VPS13C: variants seen among roughly 807,000 people sequenced by gnomAD.
The protein encoded by VPS13C is intermembrane lipid transfer protein VPS13C.
Under a neutral mutation model 456.8 loss-of-function variants are expected in VPS13C, and 358 were observed. The observed-to-expected ratio is 0.78, with a 90% confidence interval of 0.72 to 0.86. The LOEUF (loss-of-function observed/expected upper bound fraction) is 0.86. Ranked by LOEUF, VPS13C falls within the 40% of genes least tolerant of loss-of-function variation. VPS13C has a pLI of 0.00. For synonymous variants in VPS13C, 1,578 were observed against 1,486.7 expected (o/e 1.06, Z -1.41); for missense variants, 4,818 against 4,385.4 (o/e 1.10, Z -2.79).
chr15:62,009,441 C>CCA (rs2046970486), intron 13 of VPS13C, among the ~76,000 whole-genome samples: 1 of 151,926 alleles, frequency 6.6e-6, no homozygotes, highest in Non-Finnish European at 1.5e-5. Flanking sequence ...AGGTTACCTA[C>CCA]CATGCGGCTG....
rs115245671 is a variant in VPS13C, at chr15:62,010,532, C to T, written c.951G>A (p.Thr317=). Residue 317 remains threonine, a synonymous_variant, in exon 13 of 85, where the codon ACG becomes ACA. Coordinates refer to ENST00000644861, the MANE Select transcript of VPS13C (RefSeq NM_020821.3). ...MNPYAESELK[T]PKLDCNIEIQ... ...TTTCTATGTTGCAATCCAGTTTGGG[C>T]GTTTTGAGCTCTGATTCTGCATAAG... is the stretch of plus-strand genomic sequence containing the variant. The T allele has an allele frequency of 2.9e-4, 466 of 1,613,218 alleles. 6 individuals carry two copies. In the East Asian group the frequency reaches 7.7e-3, roughly 27 times the overall value.
rs752318698 is a variant in VPS13C at position 62,008,709 on chromosome 15, G to A, written c.1064C>T (p.Ala355Val). 1.1e-5 allele frequency: 18 copies of A among 1,607,880 alleles called. No homozygotes were observed. The highest frequency in any genetic ancestry group is 8.0e-5 in the African/African-American group (6 of 74,692). The change falls in exon 14 of 85, where the codon GCG becomes GTG. Residue 355 changes from alanine (A) to valine (V), a missense_variant. Ala to Val is a moderately conservative substitution (Grantham distance 64). This residue lies in a region of VPS13C where 4,552 missense variants were observed against 4,130.6 expected (regional missense o/e 1.10). Coordinates refer to ENST00000644861, the MANE Select transcript of VPS13C (RefSeq NM_020821.3). Reference sequence around the variant, plus strand: ...ATAAGGCTTGTATTTCCTATAAGGCGCATTCCTAACCATATAATCCACTGA... The same window carrying A: ...ATAAGGCTTGTATTTCCTATAAGGCACATTCCTAACCATATAATCCACTGA... ...LESVDYMVRN[A>V]PYRKYKPYLP...
chr15:61,950,444 T>C, intron 40 of VPS13C, 27 bp from the exon 41 acceptor site: 3 of 1,574,000 alleles, frequency 1.9e-6, no homozygotes, highest in Non-Finnish European at 1.7e-6. Flanking sequence ...ATTACACCAC[T>C]GAGTTTCAAA....
intron 58 of VPS13C, among the ~76,000 whole-genome samples, chr15:61,918,962 AACT>A (rs2043560269): frequency 6.6e-6 from 1 of 152,096 alleles, no homozygotes; most frequent in African/African-American, 2.4e-5. Flanking sequence ...AATGTTTCCT[AACT>A]ACAATTACAA....
chr15:62,019,158 GTCTA>G (rs1166155693), intron 9 of VPS13C, among the ~76,000 whole-genome samples: 3 of 151,778 alleles, frequency 2.0e-5, no homozygotes, highest in Non-Finnish European at 4.4e-5. Context: ...TTTTTATTGC[GTCTA>G]TCTGATTCTT....
rs920525369 is a variant in VPS13C, at chr15:62,038,142, A to C, written c.188-3090T>G. On this transcript the variant is annotated intron_variant, in intron 3 of 84. Transcript: ENST00000644861. ...TTGGCTTGTAATTTACTTATTTTTT[A>C]AAGTAAATCCTAAACATAAAACCTG... 3.9e-5 allele frequency among the ~76,000 whole-genome samples: 6 copies of C among 152,336 alleles called. No homozygotes were observed. In the South Asian group the frequency reaches 1.0e-3, roughly 26 times the overall value.
chr15:61,949,931 AC>A (rs1322076624), intron 41 of VPS13C, among the ~76,000 whole-genome samples: 3 of 152,224 alleles, frequency 2.0e-5, no homozygotes, highest in African/African-American at 7.2e-5. Flanking sequence ...AATGGACTGT[AC>A]CAGGTCCAGT....
intron 3 of VPS13C, among the ~76,000 whole-genome samples, chr15:62,035,714 C>T (rs1271217998): frequency 6.6e-6 from 1 of 151,950 alleles, no homozygotes; most frequent in East Asian, 1.9e-4. Context: ...GCAACTCAGA[C>T]CAGTTATATT....
chr15:61,890,138 G>C, intron 67 of VPS13C, 27 bp downstream of exon 67: 1 of 1,607,296 alleles, frequency 6.2e-7, no homozygotes, highest in Non-Finnish European at 8.5e-7. Flanking sequence ...TAAAGGTTTA[G>C]GATGTCTTAT....
chr15:61,863,612 A>G, intron 81 of VPS13C, 84 bp from the exon 82 acceptor site: 8 of 824,578 alleles, frequency 9.7e-6, no homozygotes, highest in South Asian at 1.9e-5. Flanking sequence ...AATTATAATA[A>G]TAGTGTTAGG....
Position 61,946,359 on chromosome 15 carries a change from C to G in VPS13C, c.4928G>C (p.Arg1643Thr), listed in dbSNP as rs2044605210. The G allele has an allele frequency of 1.2e-6, 2 of 1,609,332 alleles. No individual in the cohort carries two copies. Among genetic ancestry groups the G allele is most frequent in the South Asian group, 2.2e-5 (2 of 90,282 alleles). The change falls in exon 44 of 85, where the codon AGA (arginine) becomes ACA (threonine). Residue 1643 changes from arginine (R) to threonine (T), a missense_variant. This residue lies in a region of VPS13C where 4,552 missense variants were observed against 4,130.6 expected (regional missense o/e 1.10). Coordinates refer to ENST00000644861, the MANE Select transcript of VPS13C (RefSeq NM_020821.3). Reference sequence around the variant, plus strand: ...ATTCATAACTATAATATCTTTAAGTCTGGCAAACACATCAGTCTGCTTAGG... The same window carrying G: ...ATTCATAACTATAATATCTTTAAGTGTGGCAAACACATCAGTCTGCTTAGG... ...VKPKQTDVFA[R>T]LKDIIVMNVD...
intron 65 of VPS13C, among the ~76,000 whole-genome samples, chr15:61,908,775 T>A (rs2414753): frequency 1.3e-5 from 2 of 152,046 alleles, no homozygotes; most frequent in Non-Finnish European, 2.9e-5. Flanking sequence ...TTTCTATTTA[T>A]CCCATTTGAT....
intron 77 of VPS13C, 138 bp downstream of exon 77, chr15:61,874,738 G>A: frequency 8.7e-6 from 6 of 693,014 alleles, no homozygotes; most frequent in Middle Eastern, 4.6e-4. Flanking sequence ...TAAAAACATG[G>A]GAAACATGTC....
At chr15:62,025,207 G>T (rs2047596100) in intron 6 of VPS13C, among the ~76,000 whole-genome samples, 1 of 152,014 alleles carries the variant, frequency 6.6e-6, no homozygotes, top group African/African-American at 2.4e-5. Flanking sequence ...ATGTGAAATG[G>T]AGCTTGAAAT....
chr15:62,008,453 T>A (rs577029472), intron 14 of VPS13C, among the ~76,000 whole-genome samples: 13 of 152,182 alleles, frequency 8.5e-5, no homozygotes, highest in South Asian at 4.1e-4. Context: ...GATGTTCATA[T>A]GAAAAAAGTA....
chr15:61,959,462 G>C lies in VPS13C; in HGVS notation c.4042C>G (p.Leu1348Val). The change falls in exon 36 of 85, where the codon CTT becomes GTT. Residue 1348 changes from leucine (L) to valine (V), a missense_variant. This residue lies in a region of VPS13C where 4,552 missense variants were observed against 4,130.6 expected (regional missense o/e 1.10). Coordinates refer to ENST00000644861, the MANE Select transcript of VPS13C (RefSeq NM_020821.3). ...CATATACTTACATTCATTGAATCAA[G>C]ATGTCCTTTAATTTCCACAACAGGC... is the stretch of plus-strand genomic sequence containing the variant. ...KVPVVEIKGH[L>V]DSMNVSLNQE... 6.2e-7 allele frequency: 1 copy of C among 1,610,688 alleles called. No individual in the cohort carries two copies. The highest frequency in any genetic ancestry group is 1.1e-5 in the South Asian group (1 of 90,720).
At chr15:62,057,179 T>A (rs1375401252) in intron 1 of VPS13C, among the ~76,000 whole-genome samples, 1 of 152,168 alleles carries the variant, frequency 6.6e-6, no homozygotes, top group African/African-American at 2.4e-5. Flanking sequence ...AATTCTTCCC[T>A]TTCTCAAGAC....
intron 47 of VPS13C, among the ~76,000 whole-genome samples, chr15:61,937,350 A>C (rs1353997442): frequency 6.6e-6 from 1 of 152,264 alleles, no homozygotes; most frequent in Non-Finnish European, 1.5e-5. Context: ...TTTTACCTTC[A>C]TAAAAGGGTA....
At chr15:61,963,978 C>G (rs1040368501) in intron 31 of VPS13C, 27 bp from the exon 32 acceptor site, 9 of 1,428,558 alleles carry the variant, frequency 6.3e-6, no homozygotes, top group Non-Finnish European at 8.8e-6. Flanking sequence ...GCATCTGTCA[C>G]ATGGTGAGAT....
Sources: gnomAD v4.1 joint callset for allele counts (sites outside exome capture counted in the v4.1 genomes callset) on GRCh38, gnomAD v4.1.1 for gene constraint, gnomAD v4.1.1 regional missense constraint, MANE v1.5 for transcripts, NCBI Gene and HGNC (gene_info 2026-07-23, HGNC 2026-07-21) for gene names.